Variants in HTR2C observed in about 807,000 individuals in gnomAD.
HTR2C encodes the protein 5-hydroxytryptamine receptor 2C.
A neutral mutation model predicts 21.0 loss-of-function variants in HTR2C; 5 were observed. The ratio of observed to expected loss-of-function variants is 0.24; its 90% CI spans 0.12 to 0.50. HTR2C has a LOEUF of 0.50. HTR2C is among the 20% of genes least tolerant of loss of function. HTR2C has a pLI of 0.98. For synonymous variants in HTR2C, 150 were observed against 145.3 expected, an observed-to-expected ratio of 1.03 and a Z score of -0.23; for missense variants, 271 against 371.2, an observed-to-expected ratio of 0.73 and a Z score of 2.22.
chrX:114,717,742 G>C (rs1485671139), intron 2 of HTR2C: 2 of 111,523 alleles, frequency 1.8e-5, no homozygotes. Flanking sequence ...TTTCAATAAA[G>C]TTGCAAGCTT....
At chrX:114,807,035 CA>C in intron 4 of HTR2C, among the ~76,000 whole-genome samples, 1 of 32,533 alleles carries the variant, frequency 3.1e-5, no homozygotes, top group African/African-American at 6.3e-5. Context: ...ATACCATATA[CA>C]CCATATATAT....
intron 2 of HTR2C, among the ~76,000 whole-genome samples, chrX:114,717,100 CAGGGTCTGT>C (rs1933014449): frequency 2.7e-5 from 3 of 109,935 alleles, no homozygotes; most frequent in Non-Finnish European, 3.8e-5. Context: ...TTTTTTGAGA[CAGGGTCTGT>C]TGCCCTAGCT....
At chrX:114,749,502 T>C (rs782373103) in intron 4 of HTR2C, among the ~76,000 whole-genome samples, 3 of 84,867 alleles carry the variant, frequency 3.5e-5, no homozygotes, top group East Asian at 3.5e-4. Context: ...TACTTAGGAG[T>C]CTTACAGTAG....
At chrX:114,725,283 T>C (rs1343723890) in intron 2 of HTR2C, among the ~76,000 whole-genome samples, 2 of 111,813 alleles carry the variant, frequency 1.8e-5, no homozygotes, top group East Asian at 2.8e-4. Flanking sequence ...CCATCACTGA[T>C]ACCCTTTCTT....
At chrX:114,654,650 C>T (rs1556409038) in intron 2 of HTR2C, among the ~76,000 whole-genome samples, 1 of 110,109 alleles carries the variant, frequency 9.1e-6, no homozygotes, top group Non-Finnish European at 1.9e-5. Flanking sequence ...GCAGATACAG[C>T]AATGAATAAG....
intron 2 of HTR2C, among the ~76,000 whole-genome samples, chrX:114,704,738 A>G (rs1280968868): frequency 2.7e-5 from 3 of 110,681 alleles, no homozygotes; most frequent in Non-Finnish European, 3.8e-5. Flanking sequence ...AATAAAGGGT[A>G]TTCAATTAGG....
chrX:114,820,238 A>G (rs1266612625), intron 4 of HTR2C, among the ~76,000 whole-genome samples: 1 of 109,390 alleles, frequency 9.1e-6, no homozygotes, highest in Non-Finnish European at 1.9e-5. Context: ...ATTATAAAAT[A>G]TTATAAATAA....
chrX:114,678,174 C>T (rs782571582), intron 2 of HTR2C, among the ~76,000 whole-genome samples: 68 of 110,431 alleles, frequency 6.2e-4, no homozygotes, highest in African/African-American at 1.8e-3. Context: ...TCTTTCTCTG[C>T]ACATGTAGTA....
Position 114,731,580 on chromosome X carries a change from C to T in HTR2C, c.322C>T (p.Pro108Ser), listed in dbSNP as rs78706276. The change falls in exon 4 of 6, where the codon CCC becomes TCC. Residue 108 changes from proline to serine, a missense_variant. Around this residue, in one of 5 missense-constraint regions of HTR2C, gnomAD observed 16 missense variants for 19.2 expected, o/e 0.83. Transcript: ENST00000276198. ...TATGCTAGTGGGACTACTTGTCATG[C>T]CCCTGTCTCTCCTGGCAATCCTTTA... ...ADMLVGLLVM[P>S]LSLLAILYDY... is the part of the protein sequence containing the mutation. The T allele has an allele frequency of 8.4e-7, 1 of 1,196,774 alleles. No individual in the cohort carries two copies. The highest frequency in any genetic ancestry group is 1.1e-6 in the Non-Finnish European group (1 of 883,488).
intron 4 of HTR2C, among the ~76,000 whole-genome samples, chrX:114,773,368 A>G (rs1354333802): frequency 2.7e-5 from 3 of 112,416 alleles, no homozygotes; most frequent in African/African-American, 9.7e-5. Flanking sequence ...GTGAAACTAT[A>G]TGAAAAAATA....
intron 4 of HTR2C, among the ~76,000 whole-genome samples, chrX:114,774,437 C>T (rs782655390): frequency 1.8e-5 from 2 of 111,298 alleles, no homozygotes; most frequent in Non-Finnish European, 3.8e-5. Flanking sequence ...AACGTCAACC[C>T]AACTTTGAAG....
At chrX:114,797,525 A>C (rs1291635214) in intron 4 of HTR2C, among the ~76,000 whole-genome samples, 1 of 110,773 alleles carries the variant, frequency 9.0e-6, no homozygotes, top group Non-Finnish European at 1.9e-5. Flanking sequence ...ATATAAACTA[A>C]ACATCCATGG....
intron 4 of HTR2C, among the ~76,000 whole-genome samples, chrX:114,738,502 T>C (rs189394376): frequency 4.9e-5 from 5 of 101,963 alleles, no homozygotes. Context: ...CTATTATTAC[T>C]ATTCTAGTAA....
At position 114,606,106 on chromosome X, in the gene HTR2C, G is replaced by C. The variant is rs1294925059; in HGVS notation, c.-146-7709G>C. On this transcript the variant is annotated intron_variant, in intron 1 of 5. Transcript: ENST00000276198. ...AGGGATTGGGGTGCAGAGATAAGAG[G>C]TTGGGGCATGGAAGTAAGGGATTGG... Among the ~76,000 whole-genome samples the C allele has an allele frequency of 2.7e-5, 3 of 110,374 alleles. No homozygotes were observed. The Admixed American group carries it at 2.9e-4, about 11-fold the overall frequency.
chrX:114,651,942 A>G lies in HTR2C; in HGVS notation c.-80+38061A>G, dbSNP rs189578938. ...AAGAACATTATTATGATCTTTCATCATGTTGAAATTTCTTTTGATGACACA... is the reference window on the plus strand; with the variant it reads ...AAGAACATTATTATGATCTTTCATCGTGTTGAAATTTCTTTTGATGACACA... On this transcript the variant is annotated intron_variant, in intron 2 of 5. Transcript: ENST00000276198. 5.2e-3 allele frequency among the ~76,000 whole-genome samples: 582 copies of G among 111,887 alleles called. 4 individuals are homozygous for G. Among genetic ancestry groups the G allele is most frequent in the African/African-American group, 0.018 (564 of 30,961 alleles).
intron 5 of HTR2C, among the ~76,000 whole-genome samples, chrX:114,894,647 A>G (rs1419325721): frequency 1.8e-5 from 2 of 111,599 alleles, no homozygotes; most frequent in Non-Finnish European, 3.8e-5. Context: ...GTGCTTGTAA[A>G]TTATATTTCA....
intron 4 of HTR2C, among the ~76,000 whole-genome samples, chrX:114,790,662 G>A (rs2070221918): frequency 9.0e-6 from 1 of 111,581 alleles, no homozygotes; most frequent in Non-Finnish European, 1.9e-5. Flanking sequence ...ATGTCTATTA[G>A]AGGCATAGCG....
At chrX:114,841,594 C>A (rs1005444969) in intron 4 of HTR2C, among the ~76,000 whole-genome samples, 4 of 110,342 alleles carry the variant, frequency 3.6e-5, no homozygotes, top group Admixed American at 9.7e-5. Flanking sequence ...ACAAAAAATT[C>A]GCCTGGAGCG....
intron 4 of HTR2C, among the ~76,000 whole-genome samples, chrX:114,803,063 A>G (rs1357369913): frequency 2.3e-5 from 2 of 87,589 alleles, no homozygotes; most frequent in African/African-American, 8.2e-5. Flanking sequence ...ACATGAACTC[A>G]TCATTTTTTA....
Sources: allele counts gnomAD v4.1 joint callset (sites outside exome capture counted in the v4.1 genomes callset), GRCh38; gene constraint gnomAD v4.1.1; regional missense constraint gnomAD v4.1.1; transcripts MANE v1.5; gene names NCBI Gene and HGNC (gene_info 2026-07-23, HGNC 2026-07-21).